The following CPA5 variants were observed in gnomAD, a reference collection of about 807,000 sequenced individuals.
The protein encoded by CPA5 is testicular tissue protein Li 32.
A neutral mutation model predicts 52.2 loss-of-function variants in CPA5; 38 were observed. That is an observed-to-expected ratio of 0.73 (90% CI 0.56 to 0.95). The LOEUF is 0.95. CPA5 is among the 40% of genes least tolerant of loss of function. CPA5 has a pLI of 0.00. For synonymous variants in CPA5, 198 were observed against 213.7 expected, an observed-to-expected ratio of 0.93 and a Z score of 0.64; for missense variants, 519 against 566.7, an observed-to-expected ratio of 0.92 and a Z score of 0.86.
chr7:130,347,424 A>G (rs56039747), intron 3 of CPA5, among the ~76,000 whole-genome samples: 23,574 of 150,468 alleles, frequency 0.16, 1,930 homozygotes, highest in Middle Eastern at 0.18. Context: ...CATTCCTTTC[A>G]TTTTACACAT....
intron 5 of CPA5, among the ~76,000 whole-genome samples, chr7:130,357,860 C>T (rs531021621): frequency 6.6e-6 from 1 of 152,026 alleles, no homozygotes; most frequent in South Asian, 2.1e-4. Flanking sequence ...GAGTTTTTAG[C>T]TGTTGTTAAC....
At chr7:130,364,286 G>A (rs938672388) in intron 10 of CPA5, among the ~76,000 whole-genome samples, 1 of 152,180 alleles carries the variant, frequency 6.6e-6, no homozygotes, top group Non-Finnish European at 1.5e-5. Context: ...TCTGCCTCCT[G>A]GGTTCAAATG....
intron 10 of CPA5, among the ~76,000 whole-genome samples, chr7:130,364,813 G>A (rs1795986107): frequency 6.6e-6 from 1 of 152,218 alleles, no homozygotes; most frequent in Non-Finnish European, 1.5e-5. Flanking sequence ...CATGCAAGGG[G>A]CACAGGGATT....
chr7:130,349,844 C>A, intron 4 of CPA5, 131 bp from the exon 5 acceptor site: 1 of 1,038,928 alleles, frequency 9.6e-7, no homozygotes, highest in Non-Finnish European at 1.4e-6. Context: ...CATCACACCC[C>A]CGTCCCCATC....
chr7:130,347,733 C>T (rs1230906830), intron 3 of CPA5, 33 bp from the exon 4 acceptor site: 1 of 1,577,432 alleles, frequency 6.3e-7, no homozygotes, highest in Admixed American at 1.7e-5. Flanking sequence ...TCCTTCTCCG[C>T]AGCTTCCTCC....
At chr7:130,352,930 G>A (rs543264892) in intron 5 of CPA5, among the ~76,000 whole-genome samples, 53 of 149,538 alleles carry the variant, frequency 3.5e-4, no homozygotes, top group Non-Finnish European at 6.5e-4. Context: ...CTTTTTTTCT[G>A]ATTACAAAAT....
chr7:130,360,315 T>C (rs1554406278), intron 6 of CPA5, among the ~76,000 whole-genome samples: 1 of 152,212 alleles, frequency 6.6e-6, no homozygotes, highest in African/African-American at 2.4e-5. Context: ...CTGGGGTATA[T>C]AATATGAGGG....
At chr7:130,369,339 T>C (rs1388874511), downstream of CPA5, among the ~76,000 whole-genome samples, 1 of 152,130 alleles carries the variant, frequency 6.6e-6, no homozygotes, top group Non-Finnish European at 1.5e-5. Flanking sequence ...GCACTTCCCC[T>C]AAGAGAGTTA....
the CPA5 span, among the ~76,000 whole-genome samples, chr7:130,374,251 C>CG: frequency 0.096 from 14,646 of 152,056 alleles, 812 homozygotes; most frequent in South Asian, 0.18. Flanking sequence ...ATCTCAAACT[C>CG]GGGGGGCAAA....
rs782492669 is a variant in CPA5 at position 130,368,550 on chromosome 7, A to G, written c.1264A>G (p.Met422Val). ...CATCCCCACGGCCCAGGAGACGTGGATGGCGCTTCGGACCATCATGGAGCA... is the reference window on the plus strand; with the variant it reads ...CATCCCCACGGCCCAGGAGACGTGGGTGGCGCTTCGGACCATCATGGAGCA... ...QIIPTAQETWMALRTIMEHTL... is the reference protein window; with the variant it reads ...QIIPTAQETWVALRTIMEHTL... The change falls in exon 13 of 13, where the codon ATG (methionine) becomes GTG (valine). Residue 422 changes from methionine (M) to valine (V), a missense_variant. Met to Val is a conservative substitution (Grantham distance 21). Coordinates refer to ENST00000474905, the MANE Select transcript of CPA5 (RefSeq NM_080385.5). 5 of 1,614,014 alleles carry G rather than the reference A, an allele frequency of 3.1e-6. No homozygotes were observed. In the Admixed American group the frequency reaches 5.0e-5, roughly 16 times the overall value.
downstream of CPA5, among the ~76,000 whole-genome samples, chr7:130,372,213 CCAT>C (rs1486424380): frequency 6.6e-6 from 1 of 152,234 alleles, no homozygotes; most frequent in Non-Finnish European, 1.5e-5. Flanking sequence ...TCTGTCACCC[CCAT>C]CATGTGCGAG....
rs782326141 is a variant in CPA5, at chr7:130,367,483, A to G, written c.950A>G (p.Lys317Arg). 6.2e-7 allele frequency: 1 copy of G among 1,614,102 alleles called. No individual in the cohort carries two copies. Among genetic ancestry groups the G allele is most frequent in the South Asian group, 1.1e-5 (1 of 91,074 alleles). Residue 317 changes from lysine to arginine, a missense_variant, in exon 11 of 13, where the codon AAG becomes AGG. Physicochemically the swap from Lys to Arg is conservative, Grantham distance 26. Coordinates refer to ENST00000474905, the MANE Select transcript of CPA5 (RefSeq NM_080385.5). Reference protein sequence around the residue: ...VNFITAHGNFKALISIHSYSQ... With the variant: ...VNFITAHGNFRALISIHSYSQ... ...TTCATCACAGCCCATGGCAACTTCA[A>G]GGCTCTGATCTCCATCCACAGCTAC...
downstream of CPA5, among the ~76,000 whole-genome samples, chr7:130,371,051 G>A (rs1325688638): frequency 2.0e-5 from 3 of 152,204 alleles, no homozygotes; most frequent in African/African-American, 7.2e-5. Flanking sequence ...AGTGTGGTCT[G>A]CAGACCACAG....
Position 130,362,486 on chromosome 7 carries a change from A to G in CPA5, c.583A>G (p.Ile195Val). 1 of 1,613,560 alleles carries G rather than the reference A, an allele frequency of 6.2e-7. No individual in the cohort carries two copies. Among genetic ancestry groups the G allele is most frequent in the Non-Finnish European group, 8.5e-7 (1 of 1,179,612 alleles). The change falls in exon 8 of 13, where the codon ATT (isoleucine) becomes GTT (valine). Residue 195 changes from isoleucine (I) to valine (V), a missense_variant. By Grantham distance (29) the Ile-to-Val change is conservative. Coordinates refer to ENST00000474905, the MANE Select transcript of CPA5 (RefSeq NM_080385.5). ...CCCAGCCATCTGGATTGACACTGGA[A>G]TTCACTCCCGGGAGTGGATCACCCA... The part of the protein sequence containing the change: ...RHPAIWIDTG[I>V]HSREWITHAT...
chr7:130,366,520 T>A (rs782500389), intron 10 of CPA5, among the ~76,000 whole-genome samples: 1 of 152,164 alleles, frequency 6.6e-6, no homozygotes, highest in Non-Finnish European at 1.5e-5. Context: ...CAAATGAAAC[T>A]TGGGAAAAGA....
At chr7:130,357,952 C>CTGTGTGTGTGTG (rs60840017) in intron 5 of CPA5, among the ~76,000 whole-genome samples, 2,132 of 139,976 alleles carry the variant, frequency 0.015, 31 homozygotes, top group Admixed American at 0.025. Context: ...TTTTGTGCCT[C>CTGTGTGTGTGTG]TGTGTGTGTG....
intron 5 of CPA5, among the ~76,000 whole-genome samples, chr7:130,356,879 C>T (rs1554405315): frequency 6.6e-6 from 1 of 152,272 alleles, no homozygotes; most frequent in Non-Finnish European, 1.5e-5. Flanking sequence ...AGGCTGCTGT[C>T]TTCCTTGCAG....
chr7:130,371,567 A>C (rs1002549611), downstream of CPA5, among the ~76,000 whole-genome samples: 5 of 150,972 alleles, frequency 3.3e-5, no homozygotes, highest in African/African-American at 7.4e-5. Flanking sequence ...GTCCAGATGG[A>C]GGTCTTCTTT....
chr7:130,370,780 C>G (rs1186588213), downstream of CPA5, among the ~76,000 whole-genome samples: 1 of 152,194 alleles, frequency 6.6e-6, no homozygotes, highest in East Asian at 1.9e-4. Context: ...ATCTCCAGAC[C>G]GAATTAGAAT....
Sources: gnomAD v4.1 joint callset for allele counts (sites outside exome capture counted in the v4.1 genomes callset) on GRCh38, gnomAD v4.1.1 for gene constraint, MANE v1.5 for transcripts, NCBI Gene and HGNC (gene_info 2026-07-23, HGNC 2026-07-21) for gene names.